The following EFNA5 variants were observed in gnomAD, a reference collection of about 807,000 sequenced individuals.
The protein encoded by EFNA5 is ephrin-A5.
A neutral mutation model predicts 22.9 loss-of-function variants in EFNA5; 5 were observed. That is an observed-to-expected ratio of 0.22 (90% CI 0.11 to 0.46). The LOEUF (loss-of-function observed/expected upper bound fraction) is 0.46. EFNA5 is among the 20% of genes least tolerant of loss of function. The pLI, the probability that EFNA5 is intolerant of heterozygous loss-of-function variation, is 0.99. For missense variants in EFNA5, 237 were observed against 293.3 expected (o/e 0.81, Z 1.40); for synonymous variants, 113 against 112.2 (o/e 1.01, Z -0.04).
intron 1 of EFNA5, among the ~76,000 whole-genome samples, chr5:107,468,860 C>T (rs889382981): frequency 2.0e-5 from 3 of 152,304 alleles, no homozygotes; most frequent in Non-Finnish European, 2.9e-5. Context: ...ACAGCTGCTT[C>T]ACTAAATGAC....
intron 1 of EFNA5, among the ~76,000 whole-genome samples, chr5:107,645,954 C>G (rs1442124610): frequency 1.3e-5 from 2 of 152,130 alleles, no homozygotes; most frequent in East Asian, 1.9e-4. Context: ...AGGCTGAGAC[C>G]AATGCAGCTG....
intron 3 of EFNA5, 91 bp from the exon 4 acceptor site, chr5:107,387,406 C>CT (rs11377163): frequency 0.18 from 149,292 of 828,706 alleles, 16,724 homozygotes; most frequent in East Asian, 0.41. Flanking sequence ...TCCTTTTTTT[C>CT]TTTTTTTATG....
intron 2 of EFNA5, among the ~76,000 whole-genome samples, chr5:107,412,056 T>G (rs913956922): frequency 6.6e-6 from 1 of 152,200 alleles, no homozygotes; most frequent in Non-Finnish European, 1.5e-5. Context: ...AAATGAAAAG[T>G]AATATTAATT....
At position 107,473,393 on chromosome 5, in the gene EFNA5, A is replaced by G. The variant is rs1750196389; in HGVS notation, c.126-45884T>C. Among the ~76,000 whole-genome samples the G allele has an allele frequency of 2.0e-5, 3 of 151,954 alleles. No homozygotes were observed. The South Asian group carries it at 6.2e-4, about 32-fold the overall frequency. On this transcript the variant is annotated intron_variant, in intron 1 of 4. Transcript: ENST00000333274. ...CTAAACATGATAGCAGCCAGCTTCT[A>G]ATGAATTCCACTTATTCTACTTTTC... is the stretch of plus-strand genomic sequence containing the variant.
At chr5:107,559,804 C>T (rs1748499325) in intron 1 of EFNA5, among the ~76,000 whole-genome samples, 1 of 152,180 alleles carries the variant, frequency 6.6e-6, no homozygotes, top group African/African-American at 2.4e-5. Context: ...TTAAAATACA[C>T]ACTGATGCCT....
chr5:107,597,328 C>A (rs1337279001), intron 1 of EFNA5, among the ~76,000 whole-genome samples: 1 of 152,100 alleles, frequency 6.6e-6, no homozygotes, highest in Non-Finnish European at 1.5e-5. Flanking sequence ...AATTTGGTTT[C>A]CATCAGACAA....
chr5:107,610,343 C>T (rs1331368551), intron 1 of EFNA5, among the ~76,000 whole-genome samples: 1 of 152,244 alleles, frequency 6.6e-6, no homozygotes, highest in East Asian at 1.9e-4. Flanking sequence ...CAGACCCAGC[C>T]TCACGGCGCA....
intron 1 of EFNA5, among the ~76,000 whole-genome samples, chr5:107,498,955 A>AGTATGTAT (rs60164431): frequency 0.35 from 51,635 of 148,282 alleles, 9,191 homozygotes; most frequent in Middle Eastern, 0.42. Context: ...TATGTATATA[A>AGTATGTAT]GTATGTATGT....
At chr5:107,623,449 A>G (rs1750079956) in intron 1 of EFNA5, among the ~76,000 whole-genome samples, 1 of 152,226 alleles carries the variant, frequency 6.6e-6, no homozygotes, top group Non-Finnish European at 1.5e-5. Flanking sequence ...AAATACATAG[A>G]AAAACTCTTT....
chr5:107,428,006 G>C (rs3873123), intron 1 of EFNA5, among the ~76,000 whole-genome samples: 8 of 151,930 alleles, frequency 5.3e-5, no homozygotes, highest in Non-Finnish European at 1.2e-4. Context: ...CTATGCAAAT[G>C]AGAATTACAG....
In EFNA5 at chr5:107,591,899, AATATATAATATAAAAAAT is replaced by A. The variant is rs1749342537; in HGVS notation, c.125+78572_125+78589del. ...AATATATAATATATATATTATATAT[AATATATAATATAAAAAAT>A]ATATATATAATATATAATATATATA... On this transcript the variant is annotated intron_variant, in intron 1 of 4. Coordinates refer to ENST00000333274, the MANE Select transcript of EFNA5 (RefSeq NM_001962.3). 1.6e-4 allele frequency among the ~76,000 whole-genome samples: 2 copies of A among 12,346 alleles called. 1 individual carries two copies. Among genetic ancestry groups the A allele is most frequent in the Non-Finnish European group, 2.7e-4 (2 of 7,546 alleles). The allele number at this position is 12,346 out of a possible 152,430, so 8.1% of individuals were successfully genotyped here. A position where few individuals can be genotyped will look rare whatever the true frequency, so the allele number is the denominator to read the frequency against.
chr5:107,395,052 T>TTTTTTTTTTTTTCC (rs1554056358), intron 2 of EFNA5, among the ~76,000 whole-genome samples: 1 of 144,196 alleles, frequency 6.9e-6, no homozygotes, highest in African/African-American at 2.5e-5. Flanking sequence ...TTTTTTTTTT[T>TTTTTTTTTTTTTCC]CCGCGAGACA....
chr5:107,523,986 C>A (rs1392092668), intron 1 of EFNA5, among the ~76,000 whole-genome samples: 1 of 152,208 alleles, frequency 6.6e-6, no homozygotes, highest in Non-Finnish European at 1.5e-5. Context: ...GAATGAATAT[C>A]TTTAAGGTTC....
chr5:107,491,273 T>C (rs1746798801), intron 1 of EFNA5, among the ~76,000 whole-genome samples: 1 of 152,216 alleles, frequency 6.6e-6, no homozygotes, highest in Admixed American at 6.5e-5. Flanking sequence ...CTCTTAATTC[T>C]AGCATTTTCT....
intron 2 of EFNA5, among the ~76,000 whole-genome samples, chr5:107,426,283 C>G (rs957224339): frequency 5.3e-5 from 8 of 152,144 alleles, no homozygotes; most frequent in African/African-American, 2.4e-5. Context: ...AATATAAATA[C>G]TAGTTAAAGT....
At chr5:107,449,937 C>T (rs1749513528) in intron 1 of EFNA5, among the ~76,000 whole-genome samples, 1 of 152,266 alleles carries the variant, frequency 6.6e-6, no homozygotes, top group East Asian at 1.9e-4. Flanking sequence ...GAGGTGATTT[C>T]TTTTGTTTCT....
intron 4 of EFNA5, 99 bp from the exon 5 acceptor site, chr5:107,381,475 G>A: frequency 7.4e-7 from 1 of 1,343,898 alleles, no homozygotes; most frequent in Non-Finnish European, 1.0e-6. Context: ...CCTCTGCAAA[G>A]TAGGGTAATG....
chr5:107,638,231 T>A (rs991664848), intron 1 of EFNA5, among the ~76,000 whole-genome samples: 1 of 152,016 alleles, frequency 6.6e-6, no homozygotes, highest in East Asian at 1.9e-4. Flanking sequence ...TGCTTTCCAA[T>A]CCACACAAGA....
intron 1 of EFNA5, among the ~76,000 whole-genome samples, chr5:107,561,736 T>A (rs560420599): frequency 6.6e-6 from 1 of 152,292 alleles, no homozygotes; most frequent in East Asian, 1.9e-4. Flanking sequence ...TCCCCACAGC[T>A]AACAGGAGAC....
Sources: allele counts gnomAD v4.1 joint callset (sites outside exome capture counted in the v4.1 genomes callset), GRCh38; gene constraint gnomAD v4.1.1; transcripts MANE v1.5; gene names NCBI Gene and HGNC (gene_info 2026-07-23, HGNC 2026-07-21).